WDR72: variants seen among roughly 807,000 people sequenced by gnomAD.
The protein encoded by WDR72 is WD repeat-containing protein 72.
A neutral mutation model predicts 124.2 loss-of-function variants in WDR72; 120 were observed. The observed-to-expected ratio is 0.97, with a 90% CI of 0.83 to 1.12. WDR72 has a LOEUF of 1.12. Among genes scored for constraint, WDR72 ranks in the 50% most tolerant of loss-of-function variants. WDR72 has a pLI of 0.00. For missense variants in WDR72, 1,387 were observed against 1,278.8 expected (o/e 1.08, Z -1.29); for synonymous variants, 452 against 441.7 (o/e 1.02, Z -0.29).
At chr15:53,741,282 TA>T (rs2018501885) in intron 1 of WDR72, among the ~76,000 whole-genome samples, 1 of 152,196 alleles carries the variant, frequency 6.6e-6, no homozygotes, top group African/African-American at 2.4e-5. Flanking sequence ...TTTCACAGGT[TA>T]AAAACCTTTA....
chr15:53,715,431 T>A (rs949710141), intron 4 of WDR72, 64 bp from the exon 5 acceptor site: 1 of 1,591,816 alleles, frequency 6.3e-7, no homozygotes, highest in East Asian at 2.3e-5. Flanking sequence ...TTTGGCTACA[T>A]TGAAGATTTC....
chr15:53,553,035 TG>T (rs1156869869), intron 18 of WDR72, among the ~76,000 whole-genome samples: 2 of 152,000 alleles, frequency 1.3e-5, no homozygotes, highest in African/African-American at 4.8e-5. Context: ...AGAAATCTTA[TG>T]AAAAAAAGAT....
intron 18 of WDR72, among the ~76,000 whole-genome samples, chr15:53,566,228 A>G (rs1894289526): frequency 6.6e-6 from 1 of 151,952 alleles, no homozygotes; most frequent in Non-Finnish European, 1.5e-5. Context: ...GTCCAAGTAC[A>G]TGCTGGTAGT....
At chr15:53,555,497 G>C (rs183898193) in intron 18 of WDR72, among the ~76,000 whole-genome samples, 3 of 152,160 alleles carry the variant, frequency 2.0e-5, no homozygotes, top group African/African-American at 7.2e-5. Context: ...TTTTATATCA[G>C]TTTTCTCCTT....
At chr15:53,748,357 A>C (rs1301792023) in intron 1 of WDR72, among the ~76,000 whole-genome samples, 1 of 152,210 alleles carries the variant, frequency 6.6e-6, no homozygotes, top group Non-Finnish European at 1.5e-5. Flanking sequence ...AATTAAACTT[A>C]GGTAAGAAGA....
intron 13 of WDR72, among the ~76,000 whole-genome samples, chr15:53,670,198 T>A (rs1251563069): frequency 1.3e-5 from 2 of 152,178 alleles, no homozygotes; most frequent in African/African-American, 4.8e-5. Flanking sequence ...TATAATTTGT[T>A]TTAATCTTAA....
chr15:53,573,593 T>C (rs1894640757), intron 18 of WDR72, among the ~76,000 whole-genome samples: 1 of 152,072 alleles, frequency 6.6e-6, no homozygotes, highest in Admixed American at 6.5e-5. Context: ...TCACCCAGGC[T>C]GGAGTGCAGT....
rs539412392 is a variant in WDR72, at chr15:53,525,966, T to C, written c.3149-2644A>G. ...TTACTGCCATTCTACTTTTTCCTTG[T>C]TTGTTTGATAGGCTAATCCTTGCAA... is the stretch of plus-strand genomic sequence containing the variant. On this transcript the variant is annotated intron_variant, in intron 18 of 19. Coordinates refer to ENST00000360509, the MANE Select transcript of WDR72 (RefSeq NM_182758.4). Among the ~76,000 whole-genome samples the C allele has an allele frequency of 4.6e-4, 70 of 152,164 alleles. 1 individual carries two copies. The South Asian group carries it at 0.013, about 28-fold the overall frequency.
intron 18 of WDR72, among the ~76,000 whole-genome samples, chr15:53,540,135 G>A (rs73406217): frequency 0.045 from 6,840 of 152,200 alleles, 432 homozygotes; most frequent in African/African-American, 0.14. Flanking sequence ...TAATAAAGCA[G>A]AGGCTAAAGA....
intron 2 of WDR72, among the ~76,000 whole-genome samples, chr15:53,726,237 TA>T (rs2018026937): frequency 7.5e-6 from 1 of 133,028 alleles, no homozygotes; most frequent in Admixed American, 8.0e-5. Context: ...TATATATATG[TA>T]TGTGTGTATA....
intron 18 of WDR72, among the ~76,000 whole-genome samples, chr15:53,568,974 T>C (rs1894402548): frequency 6.6e-6 from 1 of 152,094 alleles, no homozygotes; most frequent in East Asian, 1.9e-4. Flanking sequence ...GCTTGTAAAA[T>C]AATGTTTAAT....
intron 1 of WDR72, among the ~76,000 whole-genome samples, chr15:53,746,691 T>C (rs1458540282): frequency 1.3e-5 from 2 of 152,194 alleles, no homozygotes; most frequent in Admixed American, 6.5e-5. Context: ...AGATTTTTTT[T>C]TTCCAGAAAA....
intron 13 of WDR72, among the ~76,000 whole-genome samples, chr15:53,689,982 C>T (rs897078991): frequency 6.8e-5 from 10 of 146,456 alleles, no homozygotes; most frequent in Admixed American, 2.8e-4. Flanking sequence ...AACCAAACAC[C>T]GCATATTCTC....
intron 14 of WDR72, among the ~76,000 whole-genome samples, chr15:53,620,343 A>G (rs1438460627): frequency 6.6e-6 from 1 of 152,056 alleles, no homozygotes; most frequent in Admixed American, 6.6e-5. Flanking sequence ...TTTTAAAAAT[A>G]TAATCCCATT....
At chr15:53,710,805 C>T (rs1229704945) in intron 9 of WDR72, 52 bp downstream of exon 9, 1 of 1,417,688 alleles carries the variant, frequency 7.1e-7, no homozygotes, top group Non-Finnish European at 1.0e-6. Flanking sequence ...CAACACTTAT[C>T]CAAGAAACTG....
At chr15:53,589,425 C>CG (rs1034752975) in intron 18 of WDR72, among the ~76,000 whole-genome samples, 8 of 151,936 alleles carry the variant, frequency 5.3e-5, no homozygotes, top group Admixed American at 5.3e-4. Context: ...ATCTCACTTT[C>CG]CATCCATTCA....
At chr15:53,575,880 C>G (rs968976143) in intron 18 of WDR72, among the ~76,000 whole-genome samples, 1 of 152,090 alleles carries the variant, frequency 6.6e-6, no homozygotes, top group African/African-American at 2.4e-5. Context: ...CACTATCTAC[C>G]AGGGTAGAAC....
chr15:53,701,111 G>A (rs1448398830), intron 12 of WDR72, among the ~76,000 whole-genome samples: 1 of 151,804 alleles, frequency 6.6e-6, no homozygotes, highest in African/African-American at 2.4e-5. Context: ...CTTTACAAAA[G>A]CTGAATTTAA....
chr15:53,624,069 G>C (rs746915240), intron 14 of WDR72, among the ~76,000 whole-genome samples: 2 of 152,042 alleles, frequency 1.3e-5, no homozygotes, highest in South Asian at 2.1e-4. Context: ...ATAGATTCTG[G>C]CTATAAGACA....
Sources: allele counts gnomAD v4.1 joint callset (sites outside exome capture counted in the v4.1 genomes callset), GRCh38; gene constraint gnomAD v4.1.1; transcripts MANE v1.5; gene names NCBI Gene and HGNC (gene_info 2026-07-23, HGNC 2026-07-21).